KDM4D: variants seen among roughly 807,000 people sequenced by gnomAD.
KDM4D encodes the protein lysine-specific demethylase 4D.
For synonymous variants in KDM4D, 254 were observed against 249.1 expected (o/e 1.02, Z -0.19); for missense variants, 427 against 674.8 (o/e 0.63, Z 4.07).
In KDM4D at chr11:94,998,155, C is replaced by T. The variant is rs782495153; in HGVS notation, c.783C>T (p.Phe261=). Residue 261 remains phenylalanine (F), a synonymous_variant, in exon 3 of 3, where the codon TTC becomes TTT. Coordinates refer to ENST00000335080, the MANE Select transcript of KDM4D (RefSeq NM_018039.3). The surrounding 1 kb of genome is among the most constrained non-coding windows in gnomAD (Gnocchi z 6.7). ...TTCTCAAGGAAAATGGGATTCCCTT[C>T]AATCGCATAACTCAGGAGGCTGGAG... ...PTVLKENGIP[F]NRITQEAGEF... 5.6e-6 allele frequency: 9 copies of T among 1,614,198 alleles called. No individual in the cohort carries two copies. In the South Asian group the frequency reaches 9.9e-5, roughly 18 times the overall value.
At chr11:94,980,603 A>G (rs782196130) in intron 2 of KDM4D, among the ~76,000 whole-genome samples, 113 of 152,134 alleles carry the variant, frequency 7.4e-4, no homozygotes, top group Non-Finnish European at 1.5e-3. Context: ...TGCTTCTCTA[A>G]GTACATTCAT....
rs980111252 is a variant in KDM4D, at chr11:94,997,125, G to A, written c.-248G>A. On this transcript the variant is annotated 5_prime_UTR_variant, in exon 3 of 3. Coordinates refer to ENST00000335080, the MANE Select transcript of KDM4D (RefSeq NM_018039.3). ...AAGAAGACAGAGCCCAGCAGCAACCGAAACATAACAGAGTTGCAGGATCAG... is the reference window on the plus strand; with the variant it reads ...AAGAAGACAGAGCCCAGCAGCAACCAAAACATAACAGAGTTGCAGGATCAG... The A allele has an allele frequency of 2.0e-5, 7 of 346,046 alleles. No homozygotes were observed. The highest frequency in any genetic ancestry group is 7.8e-4 in the Middle Eastern group (1 of 1,290). 21.4% of individuals were successfully genotyped at this position (346,046 alleles called of 1,614,324 possible).
intron 2 of KDM4D, among the ~76,000 whole-genome samples, chr11:94,984,220 C>T (rs1555097900): frequency 6.6e-6 from 1 of 152,128 alleles, no homozygotes; most frequent in African/African-American, 2.4e-5. Context: ...TGAGGCCAGG[C>T]ACAGTGGCTC....
chr11:94,989,757 T>C (rs1469722388), intron 2 of KDM4D, among the ~76,000 whole-genome samples: 48 of 147,914 alleles, frequency 3.2e-4, no homozygotes, highest in Non-Finnish European at 6.0e-4. Context: ...TCTTTCTTTT[T>C]TTTTTTTTTT....
At position 94,998,212 on chromosome 11, in the gene KDM4D, T is replaced by C. The variant is rs17617964; in HGVS notation, c.840T>C (p.His280=). The C allele has an allele frequency of 9.4e-3, 15,223 of 1,614,224 alleles. 106 individuals are homozygous for C. Among genetic ancestry groups the C allele is most frequent in the Non-Finnish European group, 0.011 (12,842 of 1,180,022 alleles). The change falls in exon 3 of 3, where the codon CAT becomes CAC. Residue 280 remains histidine, a synonymous_variant. Transcript: ENST00000335080. This position sits in a 1 kb window ranked among gnomAD's most constrained non-coding sequence, Gnocchi z 6.7. ...TGGTGACCTTTCCCTATGGCTACCATGCTGGCTTCAACCATGGTTTCAACT... is the reference window on the plus strand; with the variant it reads ...TGGTGACCTTTCCCTATGGCTACCACGCTGGCTTCAACCATGGTTTCAACT... ...EFMVTFPYGY[H]AGFNHGFNCA...
At chr11:94,986,082 G>A (rs970945379) in intron 2 of KDM4D, among the ~76,000 whole-genome samples, 2 of 152,176 alleles carry the variant, frequency 1.3e-5, no homozygotes, top group African/African-American at 2.4e-5. Context: ...TGTGCACTTC[G>A]AAAGACATAG....
At chr11:94,994,953 CA>C (rs1246387993) in intron 2 of KDM4D, among the ~76,000 whole-genome samples, 1 of 152,036 alleles carries the variant, frequency 6.6e-6, no homozygotes, top group Non-Finnish European at 1.5e-5. Flanking sequence ...TTAAGGAGTT[CA>C]AATGGAGAAA....
intron 2 of KDM4D, among the ~76,000 whole-genome samples, chr11:94,989,663 A>G (rs1555098437): frequency 6.6e-6 from 1 of 152,202 alleles, no homozygotes; most frequent in African/African-American, 2.4e-5. Flanking sequence ...GTTCATAAAA[A>G]GAAGTCCACA....
At chr11:94,986,734 ATT>A (rs2134112206) in intron 2 of KDM4D, among the ~76,000 whole-genome samples, 1 of 151,132 alleles carries the variant, frequency 6.6e-6, no homozygotes, top group South Asian at 2.1e-4. Context: ...TAAATGTTAC[ATT>A]TACTTTGAAA....
At chr11:94,983,391 A>G (rs1193173434) in intron 2 of KDM4D, among the ~76,000 whole-genome samples, 1 of 152,076 alleles carries the variant, frequency 6.6e-6, no homozygotes, top group East Asian at 1.9e-4. Context: ...TTGACCCCCA[A>G]AGAATACATG....
chr11:94,975,255 C>G (rs1181584625), intron 1 of KDM4D, among the ~76,000 whole-genome samples: 3 of 152,162 alleles, frequency 2.0e-5, no homozygotes, highest in African/African-American at 7.2e-5. Context: ...GTTTGTACAC[C>G]ATCACATCAC....
At chr11:94,981,598 T>C (rs1555097562) in intron 2 of KDM4D, among the ~76,000 whole-genome samples, 2 of 152,090 alleles carry the variant, frequency 1.3e-5, no homozygotes, top group African/African-American at 4.8e-5. Context: ...ATGTATTTAC[T>C]TCATTGAAAT....
At chr11:94,994,124 G>A (rs1247404545) in intron 2 of KDM4D, among the ~76,000 whole-genome samples, 1 of 152,170 alleles carries the variant, frequency 6.6e-6, no homozygotes, top group Non-Finnish European at 1.5e-5. Context: ...GTGTCTAGAT[G>A]TCCTTGGGGC....
At chr11:94,986,270 A>G (rs782628013) in intron 2 of KDM4D, among the ~76,000 whole-genome samples, 2 of 152,202 alleles carry the variant, frequency 1.3e-5, no homozygotes, top group African/African-American at 4.8e-5. Flanking sequence ...GTGCAATATC[A>G]TGAGTCATTA....
chr11:94,989,713 A>C (rs1857917463), intron 2 of KDM4D, among the ~76,000 whole-genome samples: 1 of 150,526 alleles, frequency 6.6e-6, no homozygotes, highest in Non-Finnish European at 1.5e-5. Flanking sequence ...GTACAGGAAA[A>C]GTTGCCCTTT....
At chr11:94,993,595 T>C (rs1341146992) in intron 2 of KDM4D, among the ~76,000 whole-genome samples, 2 of 151,744 alleles carry the variant, frequency 1.3e-5, no homozygotes, top group Non-Finnish European at 2.9e-5. Flanking sequence ...AGACTATATG[T>C]ATAAGGAGAC....
At chr11:94,995,655 C>T (rs910474065) in intron 2 of KDM4D, among the ~76,000 whole-genome samples, 1 of 152,098 alleles carries the variant, frequency 6.6e-6, no homozygotes, top group Non-Finnish European at 1.5e-5. Flanking sequence ...AAAAACTGCC[C>T]CTAGTTTAAA....
At chr11:94,979,011 CA>C (rs1857821573) in intron 2 of KDM4D, among the ~76,000 whole-genome samples, 1 of 152,058 alleles carries the variant, frequency 6.6e-6, no homozygotes, top group South Asian at 2.1e-4. Context: ...ATCAAGCAAA[CA>C]ACAACATTGA....
At chr11:94,986,654 T>C (rs1857890542) in intron 2 of KDM4D, among the ~76,000 whole-genome samples, 1 of 152,142 alleles carries the variant, frequency 6.6e-6, no homozygotes, top group Non-Finnish European at 1.5e-5. Flanking sequence ...AGAATTGCTG[T>C]AATGAAAAAG....
Sources: gnomAD v4.1 joint callset for allele counts (sites outside exome capture counted in the v4.1 genomes callset) on GRCh38, gnomAD v4.1.1 for gene constraint, Gnocchi (gnomAD v3.1) non-coding constraint, MANE v1.5 for transcripts, NCBI Gene and HGNC (gene_info 2026-07-23, HGNC 2026-07-21) for gene names.